Variants in CDK14 observed in about 807,000 individuals in gnomAD.
The protein encoded by CDK14 is cyclin dependent kinase 14.
Under a neutral mutation model 60.7 loss-of-function variants are expected in CDK14, and 34 were observed. The ratio of observed to expected loss-of-function variants is 0.56; its 90% CI spans 0.43 to 0.75. The LOEUF is 0.75. CDK14 is among the 30% of genes least tolerant of loss of function. The pLI, the probability that CDK14 is intolerant of heterozygous loss-of-function variation, is 0.00. For missense variants in CDK14, 482 were observed against 564.1 expected (o/e 0.85, Z 1.47); for synonymous variants, 197 against 203.7 (o/e 0.97, Z 0.28).
At chr7:90,875,422 G>T (rs1349538814) in intron 6 of CDK14, among the ~76,000 whole-genome samples, 1 of 152,096 alleles carries the variant, frequency 6.6e-6, no homozygotes, top group Non-Finnish European at 1.5e-5. Flanking sequence ...GCTTTTGAGG[G>T]ACTGCCAAAC....
chr7:90,760,056 C>A (rs971544353), intron 4 of CDK14, among the ~76,000 whole-genome samples: 1 of 152,116 alleles, frequency 6.6e-6, no homozygotes, highest in Non-Finnish European at 1.5e-5. Flanking sequence ...ATTGAAAGTG[C>A]CAATCTTCTT....
At chr7:90,603,244 T>C (rs1298486806) in intron 1 of CDK14, among the ~76,000 whole-genome samples, 1 of 152,224 alleles carries the variant, frequency 6.6e-6, no homozygotes, top group Non-Finnish European at 1.5e-5. Context: ...AACTAGATGT[T>C]TGCCAACTGT....
At chr7:90,665,576 A>T (rs1286477371) in intron 2 of CDK14, among the ~76,000 whole-genome samples, 1 of 152,202 alleles carries the variant, frequency 6.6e-6, no homozygotes, top group African/African-American at 2.4e-5. Context: ...AGAAATGATG[A>T]TAGAGTAGCT....
At chr7:90,622,117 G>A (rs1483745314) in intron 2 of CDK14, among the ~76,000 whole-genome samples, 1 of 152,232 alleles carries the variant, frequency 6.6e-6, no homozygotes, top group Non-Finnish European at 1.5e-5. Context: ...GAAGTACAAT[G>A]GAAGTGCTGC....
At chr7:90,830,272 G>T (rs1789872708) in intron 5 of CDK14, among the ~76,000 whole-genome samples, 1 of 152,156 alleles carries the variant, frequency 6.6e-6, no homozygotes, top group South Asian at 2.1e-4. Context: ...CTTGTCTTCT[G>T]CACACCCACA....
chr7:91,049,798 G>A (rs1306981861), intron 11 of CDK14, among the ~76,000 whole-genome samples: 1 of 152,102 alleles, frequency 6.6e-6, no homozygotes, highest in Non-Finnish European at 1.5e-5. Context: ...CTAGGGACTG[G>A]AGATGTTGCA....
chr7:90,919,382 G>A (rs990054867), intron 8 of CDK14, among the ~76,000 whole-genome samples: 8 of 152,064 alleles, frequency 5.3e-5, no homozygotes, highest in African/African-American at 1.9e-4. Flanking sequence ...TTTCATTGTA[G>A]TAGGTAAGTT....
At chr7:90,802,352 A>G (rs573056480) in intron 5 of CDK14, among the ~76,000 whole-genome samples, 3 of 152,282 alleles carry the variant, frequency 2.0e-5, no homozygotes, top group South Asian at 4.1e-4. Flanking sequence ...TTTATTGGCA[A>G]CTGTTTTTAA....
At position 90,833,058 on chromosome 7, in the gene CDK14, G is replaced by A. The variant is rs1404510683; in HGVS notation, c.545-30117G>A. 2.0e-5 allele frequency among the ~76,000 whole-genome samples: 3 copies of A among 152,180 alleles called. No homozygotes were observed. In the East Asian group the frequency reaches 5.8e-4, roughly 29 times the overall value. On this transcript the variant is annotated intron_variant, in intron 5 of 14. Coordinates refer to ENST00000380050, the MANE Select transcript of CDK14 (RefSeq NM_001287135.2). ...TTGCCATTGTCTTTTCTTTAAAGAA[G>A]TAGCAGAGGAGTGATATTGGGTTAT...
chr7:90,812,745 A>G (rs921772236), intron 5 of CDK14, among the ~76,000 whole-genome samples: 2 of 152,256 alleles, frequency 1.3e-5, no homozygotes, highest in African/African-American at 2.4e-5. Context: ...TATAACGGTT[A>G]TAATTGAGGG....
intron 6 of CDK14, among the ~76,000 whole-genome samples, chr7:90,875,243 C>G (rs1791517798): frequency 6.6e-6 from 1 of 152,196 alleles, no homozygotes; most frequent in South Asian, 2.1e-4. Context: ...TACATTTTAT[C>G]TATTTATTCA....
chr7:90,983,496 G>A (rs935631427), intron 9 of CDK14, among the ~76,000 whole-genome samples: 12 of 152,020 alleles, frequency 7.9e-5, no homozygotes, highest in Non-Finnish European at 1.5e-4. Context: ...TGGCTAACAC[G>A]GTGAAACCCC....
chr7:90,960,703 A>C (rs998540326), intron 9 of CDK14, among the ~76,000 whole-genome samples: 2 of 152,144 alleles, frequency 1.3e-5, no homozygotes, highest in Non-Finnish European at 2.9e-5. Context: ...GCAGTGTACA[A>C]AGTTCTGCCA....
intron 12 of CDK14, 120 bp from the exon 13 acceptor site, chr7:91,112,421 CA>C (rs1799490578): frequency 2.9e-6 from 3 of 1,028,222 alleles, no homozygotes; most frequent in Non-Finnish European, 2.8e-6. Context: ...TTTATTTCAG[CA>C]GGTAATTTGT....
intron 4 of CDK14, among the ~76,000 whole-genome samples, chr7:90,748,069 G>T (rs1319457323): frequency 3.3e-5 from 5 of 152,086 alleles, no homozygotes; most frequent in South Asian, 4.1e-4. Context: ...TCATTTCCAG[G>T]TGAATTATGT....
intron 12 of CDK14, among the ~76,000 whole-genome samples, chr7:91,081,901 TAAAA>T (rs367943174): frequency 1.3e-5 from 2 of 150,940 alleles, no homozygotes; most frequent in Non-Finnish European, 3.0e-5. Flanking sequence ...AAATATATAT[TAAAA>T]AAAAAGGAAA....
At chr7:90,992,673 C>T (rs987368082) in intron 10 of CDK14, among the ~76,000 whole-genome samples, 3 of 152,140 alleles carry the variant, frequency 2.0e-5, no homozygotes, top group Non-Finnish European at 4.4e-5. Flanking sequence ...GGGATCAGAG[C>T]ATTTGAGGCA....
intron 14 of CDK14, among the ~76,000 whole-genome samples, chr7:91,139,574 C>G (rs997194387): frequency 1.3e-5 from 2 of 152,174 alleles, no homozygotes; most frequent in Non-Finnish European, 2.9e-5. Context: ...CCACTTTAAT[C>G]TGTTTTACAC....
intron 4 of CDK14, among the ~76,000 whole-genome samples, chr7:90,783,071 A>G (rs1805413135): frequency 6.6e-6 from 1 of 152,134 alleles, no homozygotes. Context: ...AATTGCTGAA[A>G]TGTACATAAT....
Sources: allele counts gnomAD v4.1 joint callset (sites outside exome capture counted in the v4.1 genomes callset), GRCh38; gene constraint gnomAD v4.1.1; transcripts MANE v1.5; gene names NCBI Gene and HGNC (gene_info 2026-07-23, HGNC 2026-07-21).